Variants in GPC6 observed in about 807,000 individuals in gnomAD.
GPC6 encodes the protein glypican 6, also known as glypican-6.
A neutral mutation model predicts 55.2 loss-of-function variants in GPC6; 14 were observed. The ratio of observed to expected loss-of-function variants is 0.25; its 90% confidence interval spans 0.17 to 0.40. GPC6 has a LOEUF of 0.40. Among genes scored for constraint, GPC6 ranks in the 10% least tolerant of loss-of-function variants. GPC6 has a pLI of 1.00. For missense variants in GPC6, 641 were observed against 708.5 expected, an observed-to-expected ratio of 0.90 and a Z score of 1.08; for synonymous variants, 278 against 259.6, an observed-to-expected ratio of 1.07 and a Z score of -0.68.
At chr13:93,814,722 C>G (rs1886795829) in intron 2 of GPC6, among the ~76,000 whole-genome samples, 1 of 152,156 alleles carries the variant, frequency 6.6e-6, no homozygotes, top group Non-Finnish European at 1.5e-5. Flanking sequence ...TGAAATAAAC[C>G]TATTTGAATT....
intron 4 of GPC6, among the ~76,000 whole-genome samples, chr13:94,108,901 A>G (rs1238710636): frequency 4.6e-5 from 7 of 151,848 alleles, no homozygotes; most frequent in Non-Finnish European, 7.4e-5. Context: ...ATATTTTTCT[A>G]TTCTCATCTG....
intron 4 of GPC6, among the ~76,000 whole-genome samples, chr13:94,231,989 C>G (rs1890743394): frequency 6.6e-6 from 1 of 152,092 alleles, no homozygotes; most frequent in African/African-American, 2.4e-5. Flanking sequence ...CTATTGTAAA[C>G]CAACAAGAGC....
chr13:94,182,619 A>C (rs1407086557), intron 4 of GPC6, among the ~76,000 whole-genome samples: 1 of 152,200 alleles, frequency 6.6e-6, no homozygotes, highest in African/African-American at 2.4e-5. Context: ...CCTTGAAGAA[A>C]AGTGGAAGTA....
intron 3 of GPC6, among the ~76,000 whole-genome samples, chr13:93,889,087 T>G (rs1875510014): frequency 6.6e-6 from 1 of 152,168 alleles, no homozygotes; most frequent in Admixed American, 6.6e-5. Context: ...TCTTGTATAC[T>G]TCTTATCACT....
At chr13:93,861,632 G>A (rs944748711) in intron 3 of GPC6, among the ~76,000 whole-genome samples, 1 of 151,480 alleles carries the variant, frequency 6.6e-6, no homozygotes, top group Non-Finnish European at 1.5e-5. Context: ...TGCTTTTATT[G>A]CAGCTGGTTT....
chr13:94,211,535 A>G (rs1890079867), intron 4 of GPC6, among the ~76,000 whole-genome samples: 1 of 152,230 alleles, frequency 6.6e-6, no homozygotes, highest in Admixed American at 6.5e-5. Context: ...TGAGAGGATG[A>G]TAAGAGGAGT....
intron 2 of GPC6, among the ~76,000 whole-genome samples, chr13:93,732,459 A>G (rs1163137875): frequency 8.5e-5 from 13 of 152,174 alleles, no homozygotes; most frequent in African/African-American, 1.9e-4. Flanking sequence ...AAACTTCTGA[A>G]GCTAATTGAG....
chr13:93,970,885 A>G (rs746937575), intron 3 of GPC6, among the ~76,000 whole-genome samples: 1 of 152,234 alleles, frequency 6.6e-6, no homozygotes, highest in South Asian at 2.1e-4. Flanking sequence ...TATATTCAAC[A>G]TGCTTTAAAA....
chr13:94,286,938 G>A (rs915514934), intron 5 of GPC6, among the ~76,000 whole-genome samples: 4 of 152,132 alleles, frequency 2.6e-5, no homozygotes, highest in Non-Finnish European at 5.9e-5. Context: ...TAAGACTATG[G>A]TGTAACTTTC....
At chr13:93,996,646 A>G (rs1881569654) in intron 3 of GPC6, among the ~76,000 whole-genome samples, 1 of 152,190 alleles carries the variant, frequency 6.6e-6, no homozygotes, top group South Asian at 2.1e-4. Context: ...GTAGGAAGCC[A>G]ATGTTATAGA....
intron 3 of GPC6, among the ~76,000 whole-genome samples, chr13:93,919,259 C>T (rs1877444902): frequency 6.6e-6 from 1 of 152,184 alleles, no homozygotes; most frequent in African/African-American, 2.4e-5. Flanking sequence ...ATAAATTACC[C>T]AGTCTCAGAT....
intron 1 of GPC6, among the ~76,000 whole-genome samples, chr13:93,396,062 G>A (rs1487102051): frequency 6.6e-6 from 1 of 152,130 alleles, no homozygotes; most frequent in Non-Finnish European, 1.5e-5. Context: ...AGAAATTGAG[G>A]TAGAGGTGAA....
chr13:93,888,703 A>G (rs1031387445), intron 3 of GPC6, among the ~76,000 whole-genome samples: 1 of 152,154 alleles, frequency 6.6e-6, no homozygotes, highest in African/African-American at 2.4e-5. Flanking sequence ...ACTACACAAC[A>G]TTTAATTTTT....
intron 4 of GPC6, among the ~76,000 whole-genome samples, chr13:94,152,858 A>G (rs914340713): frequency 6.6e-6 from 1 of 152,158 alleles, no homozygotes; most frequent in Admixed American, 6.6e-5. Flanking sequence ...AAGGCAACCA[A>G]TAACTACTAA....
intron 2 of GPC6, among the ~76,000 whole-genome samples, chr13:93,705,976 C>A (rs952555499): frequency 1.3e-5 from 2 of 151,456 alleles, no homozygotes; most frequent in Non-Finnish European, 2.9e-5. Flanking sequence ...CCATGATAAC[C>A]AAGCAGAATG....
intron 2 of GPC6, among the ~76,000 whole-genome samples, chr13:93,802,200 TA>T (rs1054835667): frequency 5.9e-5 from 9 of 152,172 alleles, no homozygotes; most frequent in African/African-American, 2.2e-4. Flanking sequence ...CCTTGTCTTT[TA>T]TCTTCTGTCA....
At chr13:94,372,111 T>G (rs1249966160) in intron 6 of GPC6, among the ~76,000 whole-genome samples, 2 of 152,058 alleles carry the variant, frequency 1.3e-5, no homozygotes, top group Non-Finnish European at 2.9e-5. Flanking sequence ...TTTGTTTCTT[T>G]CTTGCTTGCT....
chr13:93,893,136 T>C (rs1423768052), intron 3 of GPC6, among the ~76,000 whole-genome samples: 9 of 151,382 alleles, frequency 5.9e-5, no homozygotes, highest in Non-Finnish European at 1.0e-4. Context: ...CTCTGCTCAC[T>C]GCAACCTCCA....
At chr13:94,012,975 T>C (rs1882306735) in intron 3 of GPC6, among the ~76,000 whole-genome samples, 1 of 152,174 alleles carries the variant, frequency 6.6e-6, no homozygotes, top group Non-Finnish European at 1.5e-5. Flanking sequence ...CGCTTAGGGA[T>C]CTTGTTTTAC....
Sources: allele counts gnomAD v4.1 joint callset (sites outside exome capture counted in the v4.1 genomes callset), GRCh38; gene constraint gnomAD v4.1.1; transcripts MANE v1.5; gene names NCBI Gene and HGNC (gene_info 2026-07-23, HGNC 2026-07-21).